SORCS2: variants seen among roughly 807,000 people sequenced by gnomAD.
SORCS2 encodes VPS10 domain-containing receptor SorCS2.
Under a neutral mutation model 141.6 loss-of-function variants are expected in SORCS2, and 100 were observed. The observed-to-expected ratio is 0.71, with a 90% CI of 0.60 to 0.83. The LOEUF (loss-of-function observed/expected upper bound fraction) is 0.83. Ranked by LOEUF, SORCS2 falls within the 40% of genes least tolerant of loss-of-function variation. SORCS2 has a pLI of 0.00. For missense variants in SORCS2, 1,646 were observed against 1,560.2 expected (o/e 1.05, Z -0.93); for synonymous variants, 789 against 676.9 (o/e 1.17, Z -2.57).
chr4:7,303,080 A>G (rs1546266), intron 1 of SORCS2, among the ~76,000 whole-genome samples: 120,797 of 152,024 alleles, frequency 0.79, 50,044 homozygotes, highest in Non-Finnish European at 0.91. Flanking sequence ...TCCTCCATGC[A>G]CACAAAACAG....
chr4:7,715,441 A>C, intron 17 of SORCS2, 130 bp downstream of exon 17: 1 of 1,351,894 alleles, frequency 7.4e-7, no homozygotes, highest in Non-Finnish European at 1.0e-6. Context: ...AAGAGAGGTC[A>C]AAGTTGAGGA....
chr4:7,493,242 G>A (rs1731415564), intron 2 of SORCS2, among the ~76,000 whole-genome samples: 1 of 152,234 alleles, frequency 6.6e-6, no homozygotes, highest in South Asian at 2.1e-4. Context: ...ATGTGACCCT[G>A]GATGGGACCA....
chr4:7,344,211 C>G (rs1401302911), intron 1 of SORCS2, among the ~76,000 whole-genome samples: 1 of 152,228 alleles, frequency 6.6e-6, no homozygotes, highest in Non-Finnish European at 1.5e-5. Context: ...GCCCCCAGTG[C>G]AGGGCCTGGG....
chr4:7,650,741 C>CCCAGT (rs1721389966), intron 4 of SORCS2, among the ~76,000 whole-genome samples: 1 of 136,246 alleles, frequency 7.3e-6, no homozygotes, highest in Non-Finnish European at 1.6e-5. Context: ...CCCAGCCCAG[C>CCCAGT]CCAGCCCAGC....
intron 3 of SORCS2, among the ~76,000 whole-genome samples, chr4:7,585,978 C>T (rs1292984007): frequency 6.6e-6 from 1 of 152,226 alleles, no homozygotes; most frequent in Non-Finnish European, 1.5e-5. Context: ...TGGTTTTCTT[C>T]CTCCTTCTAG....
Position 7,255,170 on chromosome 4 carries a change from A to G in SORCS2, c.480+62044A>G, listed in dbSNP as rs528492708. 2.8e-4 allele frequency among the ~76,000 whole-genome samples: 42 copies of G among 152,132 alleles called. 1 individual carries two copies. The highest frequency in any genetic ancestry group is 9.9e-4 in the African/African-American group (41 of 41,512). ...CAGCAAGGCACTGAGCGGTCAGGTC[A>G]GGTTCCTGCCCTAGCGGAGGTGACA... On this transcript the variant is annotated intron_variant, in intron 1 of 26. Transcript: ENST00000507866.
intron 26 of SORCS2, among the ~76,000 whole-genome samples, chr4:7,738,466 C>T (rs893305615): frequency 1.3e-5 from 2 of 152,320 alleles, no homozygotes; most frequent in Non-Finnish European, 2.9e-5. Context: ...ACCCCAGGGA[C>T]CCGGCGTCTC....
chr4:7,311,459 C>A (rs182414643), intron 1 of SORCS2, among the ~76,000 whole-genome samples: 1 of 152,154 alleles, frequency 6.6e-6, no homozygotes, highest in Non-Finnish European at 1.5e-5. Flanking sequence ...GAATCATCTC[C>A]GGGATATGTT....
In SORCS2 at chr4:7,365,322, C is replaced by G. The variant is rs180739454; in HGVS notation, c.481-30966C>G. On this transcript the variant is annotated intron_variant, in intron 1 of 26. Transcript: ENST00000507866. The stretch of plus-strand genomic sequence containing the variant: ...GGTGTGTGGGGAGTTCAGGAGGGCG[C>G]AAGGTTTGGGGGTCACTTAGGCATG... Among the ~76,000 whole-genome samples the G allele has an allele frequency of 8.8e-4, 134 of 151,876 alleles. No homozygotes were observed. In the East Asian group the frequency reaches 0.02, roughly 22 times the overall value.
intron 18 of SORCS2, among the ~76,000 whole-genome samples, chr4:7,719,641 C>A (rs1726440680): frequency 6.6e-6 from 1 of 152,162 alleles, no homozygotes. Context: ...CATCTTGGGG[C>A]GGCAGGAGGA....
intron 1 of SORCS2, among the ~76,000 whole-genome samples, chr4:7,296,412 C>T (rs1392478032): frequency 1.3e-5 from 2 of 152,188 alleles, no homozygotes; most frequent in Non-Finnish European, 2.9e-5. Context: ...GCCTCCTCTC[C>T]GTAGACCCTG....
intron 3 of SORCS2, among the ~76,000 whole-genome samples, chr4:7,536,854 C>A (rs1228482274): frequency 6.7e-6 from 1 of 149,270 alleles, no homozygotes; most frequent in South Asian, 2.1e-4. Flanking sequence ...GCGGGCAGGG[C>A]CCACCTCGAG....
intron 8 of SORCS2, among the ~76,000 whole-genome samples, chr4:7,670,882 G>T (rs771918666): frequency 3.9e-5 from 6 of 152,154 alleles, no homozygotes; most frequent in Non-Finnish European, 7.4e-5. Flanking sequence ...ATTACTGACT[G>T]CTTCTGATGA....
At chr4:7,657,633 GTGAGTGAGTGAATGAGTGAC>G (rs1721867970) in intron 5 of SORCS2, among the ~76,000 whole-genome samples, 1 of 148,786 alleles carries the variant, frequency 6.7e-6, no homozygotes, top group Admixed American at 6.6e-5. Context: ...GAATGAGTTA[GTGAGTGAGTGAATGAGTGAC>G]TGAGTGAATG....
At chr4:7,574,498 T>C (rs1298090538) in intron 3 of SORCS2, among the ~76,000 whole-genome samples, 1 of 152,120 alleles carries the variant, frequency 6.6e-6, no homozygotes, top group Non-Finnish European at 1.5e-5. Context: ...GTGTGTGTTA[T>C]GCAGAATGTC....
chr4:7,294,603 A>G (rs980545672), intron 1 of SORCS2, among the ~76,000 whole-genome samples: 10 of 151,170 alleles, frequency 6.6e-5, no homozygotes, highest in African/African-American at 2.2e-4. Flanking sequence ...CTCTGGGCCC[A>G]GCCAGTACTT....
chr4:7,574,233 C>T (rs1560397446), intron 3 of SORCS2, among the ~76,000 whole-genome samples: 1 of 152,254 alleles, frequency 6.6e-6, no homozygotes, highest in African/African-American at 2.4e-5. Flanking sequence ...TCCCCACCCT[C>T]GGAGGTGAGG....
intron 2 of SORCS2, among the ~76,000 whole-genome samples, chr4:7,477,543 T>C (rs1206278692): frequency 6.6e-6 from 1 of 151,988 alleles, no homozygotes; most frequent in East Asian, 1.9e-4. Flanking sequence ...CTGCACATGC[T>C]CAAAGTTGGA....
At chr4:7,581,119 T>C (rs1452599587) in intron 3 of SORCS2, among the ~76,000 whole-genome samples, 1 of 150,766 alleles carries the variant, frequency 6.6e-6, no homozygotes, top group Non-Finnish European at 1.5e-5. Context: ...AAGTGATATG[T>C]CTAATTCAAA....
Sources: gnomAD v4.1 joint callset for allele counts (sites outside exome capture counted in the v4.1 genomes callset) on GRCh38, gnomAD v4.1.1 for gene constraint, MANE v1.5 for transcripts, NCBI Gene and HGNC (gene_info 2026-07-23, HGNC 2026-07-21) for gene names.